Variants in PCDHGA1 observed in about 807,000 individuals in gnomAD.
PCDHGA1 encodes protocadherin gamma-A1.
In PCDHGA1, 32 loss-of-function variants were observed where a neutral mutation model predicts 58.0. The observed-to-expected ratio is 0.55, with a 90% confidence interval of 0.42 to 0.74. The LOEUF (loss-of-function observed/expected upper bound fraction) is 0.74, where lower values mean the gene tolerates loss of function less well. Ranked by LOEUF, PCDHGA1 falls within the 30% of genes least tolerant of loss-of-function variation. The pLI, the probability that PCDHGA1 is intolerant of heterozygous loss-of-function variation, is 0.00. For synonymous variants in PCDHGA1, 498 were observed against 501.1 expected, an observed-to-expected ratio of 0.99 and a Z score of 0.08; for missense variants, 1,205 against 1,182.3, an observed-to-expected ratio of 1.02 and a Z score of -0.28.
chr5:141,460,414 T>G (rs1289935272), intron 1 of PCDHGA1, among the ~76,000 whole-genome samples: 1 of 152,216 alleles, frequency 6.6e-6, no homozygotes, highest in Non-Finnish European at 1.5e-5. Context: ...GAGTTGATGT[T>G]TATGTATGGT....
At chr5:141,399,564 G>C (rs1284243936) in intron 1 of PCDHGA1, 3 of 1,614,038 alleles carry the variant, frequency 1.9e-6, no homozygotes, top group East Asian at 4.5e-5. Flanking sequence ...ACTTGGGGTT[G>C]AACGGCCAAG....
At position 141,404,694 on chromosome 5, in the gene PCDHGA1, C is replaced by T. The variant is rs749803871; in HGVS notation, c.2421+71589C>T. 10 of 1,614,116 alleles carry T rather than the reference C, an allele frequency of 6.2e-6. No homozygotes were observed. The East Asian group carries it at 2.0e-4, about 32-fold the overall frequency. ...ACTGGTGTGGAGCTGGCACCCCGCT[C>T]TGCAGAGCCTGGCTACCTGGTGACC... On this transcript the variant is annotated intron_variant, in intron 1 of 3. Coordinates refer to ENST00000517417, the MANE Select transcript of PCDHGA1 (RefSeq NM_018912.3).
At chr5:141,364,917 T>A in intron 1 of PCDHGA1, 1 of 1,613,946 alleles carries the variant, frequency 6.2e-7, no homozygotes, top group Non-Finnish European at 8.5e-7. Context: ...GAGCTGGTGT[T>A]GGAACAGCCC....
chr5:141,490,042 G>C lies in PCDHGA1; in HGVS notation c.2422-4765G>C. 1 of 1,614,266 alleles carries C rather than the reference G, an allele frequency of 6.2e-7. No individual in the cohort carries two copies. Among genetic ancestry groups the C allele is most frequent in the Non-Finnish European group, 8.5e-7 (1 of 1,180,038 alleles). The stretch of plus-strand genomic sequence containing the variant: ...TCTGCTGCTCCGCCTCAATGCCACT[G>C]ATCCAGACGAGGGCACCAACGGCCA... On this transcript the variant is annotated intron_variant, in intron 1 of 3. Coordinates refer to ENST00000517417, the MANE Select transcript of PCDHGA1 (RefSeq NM_018912.3). This position sits in a 1 kb window ranked among gnomAD's most constrained non-coding sequence, Gnocchi z 5.4.
intron 1 of PCDHGA1, among the ~76,000 whole-genome samples, chr5:141,436,374 G>C (rs2154557079): frequency 6.6e-6 from 1 of 152,248 alleles, no homozygotes; most frequent in East Asian, 1.9e-4. Context: ...TCCAGTTTAA[G>C]CTGAATAGGC....
rs143530538 is a variant in PCDHGA1 at position 141,490,323 on chromosome 5, G to A, written c.2422-4484G>A. 18 of 1,614,102 alleles carry A rather than the reference G, an allele frequency of 1.1e-5. No individual in the cohort carries two copies. Among genetic ancestry groups the A allele is most frequent in the Non-Finnish European group, 1.4e-5 (17 of 1,180,056 alleles). ...CCTCTTTGGCCAACCCTGTCCTAGA[G>A]AGCACACCAGTGGGCACAGTAGTGG... On this transcript the variant is annotated intron_variant, in intron 1 of 3. Transcript: ENST00000517417. This position sits in a 1 kb window ranked among gnomAD's most constrained non-coding sequence, Gnocchi z 5.4.
intron 1 of PCDHGA1, among the ~76,000 whole-genome samples, chr5:141,426,133 G>A (rs2096916691): frequency 6.6e-6 from 1 of 152,212 alleles, no homozygotes. Context: ...GCCAAGACTT[G>A]GGCTTTCTGC....
intron 1 of PCDHGA1, chr5:141,350,165 A>G (rs759865508): frequency 6.9e-6 from 8 of 1,157,934 alleles, no homozygotes; most frequent in Non-Finnish European, 9.2e-6. Flanking sequence ...GCGCCTAACT[A>G]ATAAGTCCTA....
intron 1 of PCDHGA1, among the ~76,000 whole-genome samples, chr5:141,457,854 C>A (rs2098930903): frequency 6.6e-6 from 1 of 152,234 alleles, no homozygotes; most frequent in African/African-American, 2.4e-5. Flanking sequence ...AAGTGACATT[C>A]TTCACTGACC....
chr5:141,491,253 T>C lies in PCDHGA1; in HGVS notation c.2422-3554T>C, dbSNP rs71583648. The C allele has an allele frequency of 2.3e-3, 3,639 of 1,614,176 alleles. 33 individuals carry two copies. The African/African-American group carries it at 0.026, about 11-fold the overall frequency. Reference sequence around the variant, plus strand: ...TGCTGGTTCTGGAGGATGAGGACCCTGAGGAAATGCCCAAATCCAGTGACT... The same window carrying C: ...TGCTGGTTCTGGAGGATGAGGACCCCGAGGAAATGCCCAAATCCAGTGACT... On this transcript the variant is annotated intron_variant, in intron 1 of 3. Coordinates refer to ENST00000517417, the MANE Select transcript of PCDHGA1 (RefSeq NM_018912.3). This position sits in a 1 kb window ranked among gnomAD's most constrained non-coding sequence, Gnocchi z 6.9.
At chr5:141,446,055 G>A (rs1431833512) in intron 1 of PCDHGA1, among the ~76,000 whole-genome samples, 1 of 152,190 alleles carries the variant, frequency 6.6e-6, no homozygotes, top group Non-Finnish European at 1.5e-5. Flanking sequence ...AGCTGGCTTG[G>A]ATTAAAGGGG....
rs2154591169 is a variant in PCDHGA1 at position 141,493,606 on chromosome 5, T to A, written c.2422-1201T>A. Among the ~76,000 whole-genome samples, 1 of 152,278 alleles carries A rather than the reference T, an allele frequency of 6.6e-6. No homozygotes were observed. Among genetic ancestry groups the A allele is most frequent in the Non-Finnish European group, 1.5e-5 (1 of 68,022 alleles). ...ACAATCACTGCATTTCCATGTAGAT[T>A]CTGCTGTGTCTAAGAATACAGTGGC... On this transcript the variant is annotated intron_variant, in intron 1 of 3. Transcript: ENST00000517417. This position sits in a 1 kb window ranked among gnomAD's most constrained non-coding sequence, Gnocchi z 4.3.
intron 1 of PCDHGA1, among the ~76,000 whole-genome samples, chr5:141,481,250 C>A (rs1160186962): frequency 2.6e-5 from 4 of 152,144 alleles, no homozygotes; most frequent in Non-Finnish European, 5.9e-5. Context: ...TAGCATAGCT[C>A]TAAAAGATCA....
intron 1 of PCDHGA1, chr5:141,350,940 TCCGAGTTACGGATG>T: frequency 6.2e-7 from 1 of 1,614,094 alleles, no homozygotes; most frequent in Non-Finnish European, 8.5e-7. Context: ...CATATCTGGA[TCCGAGTTACGGATG>T]CCAATGATAA....
chr5:141,393,533 G>T (rs1475648389), intron 1 of PCDHGA1: 2 of 1,613,950 alleles, frequency 1.2e-6, no homozygotes, highest in South Asian at 1.1e-5. Flanking sequence ...ACAATGCCCC[G>T]GTTTTTCCTC....
intron 1 of PCDHGA1, chr5:141,427,785 TC>T: frequency 6.8e-7 from 1 of 1,470,156 alleles, no homozygotes; most frequent in Non-Finnish European, 9.4e-7. Flanking sequence ...GGCACTGTCG[TC>T]CTACGTGTCC....
chr5:141,432,104 C>T lies in PCDHGA1; in HGVS notation c.2422-62703C>T. The stretch of plus-strand genomic sequence containing the variant: ...GAACGTGGCAGACACCAACGACAAC[C>T]CGCCGGTCTTCCCTCAGGCCTCCTA... On this transcript the variant is annotated intron_variant, in intron 1 of 3. Coordinates refer to ENST00000517417, the MANE Select transcript of PCDHGA1 (RefSeq NM_018912.3). This position sits in a 1 kb window ranked among gnomAD's most constrained non-coding sequence, Gnocchi z 6.0. 1 of 1,614,204 alleles carries T rather than the reference C, an allele frequency of 6.2e-7. No individual in the cohort carries two copies. The highest frequency in any genetic ancestry group is 1.7e-5 in the Admixed American group (1 of 60,026).
chr5:141,388,480 C>T (rs751470350), intron 1 of PCDHGA1: 3 of 1,613,758 alleles, frequency 1.9e-6, no homozygotes, highest in Non-Finnish European at 2.5e-6. Flanking sequence ...TTGAAGACAC[C>T]TTTGGACAGA....
At position 141,339,929 on chromosome 5, in the gene PCDHGA1, G is replaced by C. The variant is rs768979425; in HGVS notation, c.2421+6824G>C. 1.3e-5 allele frequency: 21 copies of C among 1,614,010 alleles called. No homozygotes were observed. The South Asian group carries it at 2.2e-4, about 17-fold the overall frequency. On this transcript the variant is annotated intron_variant, in intron 1 of 3. Transcript: ENST00000517417. ...TGCTACATTCCATGAAATTGATATT[G>C]AAGCTCAGGATGGTCCGGGCCTTCT...
Sources: allele counts gnomAD v4.1 joint callset (sites outside exome capture counted in the v4.1 genomes callset), GRCh38; gene constraint gnomAD v4.1.1; non-coding constraint Gnocchi (gnomAD v3.1); transcripts MANE v1.5; gene names NCBI Gene and HGNC (gene_info 2026-07-23, HGNC 2026-07-21).